The following NR3C2 variants were observed in gnomAD, a reference collection of about 807,000 sequenced individuals.
The protein encoded by NR3C2 is nuclear receptor subfamily 3 group C member 2, also known as mineralocorticoid receptor.
NR3C2 carries 15 observed loss-of-function variants against 86.4 expected under a neutral mutation model. The observed-to-expected ratio is 0.17, with a 90% confidence interval of 0.12 to 0.27. The LOEUF is 0.27. NR3C2 is among the 10% of genes least tolerant of loss of function. The pLI is 1.00. For synonymous variants in NR3C2, 458 were observed against 450.5 expected, an observed-to-expected ratio of 1.02 and a Z score of -0.21; for missense variants, 960 against 1,195.6, an observed-to-expected ratio of 0.80 and a Z score of 2.91.
intron 4 of NR3C2, among the ~76,000 whole-genome samples, chr4:148,165,342 T>A (rs1185082647): frequency 6.6e-6 from 1 of 150,710 alleles, no homozygotes; most frequent in East Asian, 1.9e-4. Context: ...AATTTCAGAA[T>A]TTTTTTTTAT....
intron 6 of NR3C2, among the ~76,000 whole-genome samples, chr4:148,136,787 G>A (rs1733367273): frequency 1.3e-5 from 2 of 152,024 alleles, no homozygotes; most frequent in Admixed American, 1.3e-4. Context: ...GCTGCCACCT[G>A]CTTTTTAAAC....
rs1399603219 is a variant in NR3C2, at chr4:148,248,790, GTT to G, written c.1897+11186_1897+11187del. Among the ~76,000 whole-genome samples, 3 of 152,122 alleles carry G rather than the reference GTT, an allele frequency of 2.0e-5. No individual in the cohort carries two copies. In the East Asian group the frequency reaches 5.8e-4, roughly 29 times the overall value. On this transcript the variant is annotated intron_variant, in intron 3 of 8. Coordinates refer to ENST00000358102, the MANE Select transcript of NR3C2 (RefSeq NM_000901.5). ...TTAACATGTACATAAAGTAGCCACAGTTTAAATATTCCAAATTTTATTGAGAA... is the reference window on the plus strand; with the variant it reads ...TTAACATGTACATAAAGTAGCCACAGTAAATATTCCAAATTTTATTGAGAA...
chr4:148,321,576 T>C (rs960743009), intron 2 of NR3C2, among the ~76,000 whole-genome samples: 11 of 152,140 alleles, frequency 7.2e-5, no homozygotes, highest in Admixed American at 1.3e-4. Context: ...ATTGGGTGCA[T>C]ATATATTTAG....
At chr4:148,107,798 A>G (rs1384766242) in intron 8 of NR3C2, among the ~76,000 whole-genome samples, 1 of 152,208 alleles carries the variant, frequency 6.6e-6, no homozygotes. Flanking sequence ...GTGAACAATA[A>G]AAACACATGG....
chr4:148,414,607 G>T (rs1400934637), intron 2 of NR3C2, among the ~76,000 whole-genome samples: 1 of 151,870 alleles, frequency 6.6e-6, no homozygotes, highest in Non-Finnish European at 1.5e-5. Flanking sequence ...ATTGCATTTT[G>T]ACCTTAATGT....
chr4:148,438,408 T>G (rs1750178674), intron 1 of NR3C2, among the ~76,000 whole-genome samples: 1 of 152,246 alleles, frequency 6.6e-6, no homozygotes, highest in Non-Finnish European at 1.5e-5. Context: ...TATTTTTACA[T>G]TTTAGTATTT....
chr4:148,329,532 A>C (rs1744130716), intron 2 of NR3C2, among the ~76,000 whole-genome samples: 1 of 152,014 alleles, frequency 6.6e-6, no homozygotes, highest in Non-Finnish European at 1.5e-5. Flanking sequence ...CCTTTTTTCC[A>C]CAGTACATAT....
chr4:148,304,352 T>TTTGA, intron 2 of NR3C2, among the ~76,000 whole-genome samples: 1 of 130,034 alleles, frequency 7.7e-6, no homozygotes, highest in Non-Finnish European at 1.6e-5. Flanking sequence ...TTTTTTTTTT[T>TTTGA]AACCAGTTGG....
intron 2 of NR3C2, among the ~76,000 whole-genome samples, chr4:148,357,035 G>A (rs61761538): frequency 2.6e-5 from 4 of 151,982 alleles, no homozygotes; most frequent in Non-Finnish European, 5.9e-5. Flanking sequence ...AACCTTCAGT[G>A]ACAATTTCAT....
At chr4:148,182,896 T>C (rs2149792682) in intron 4 of NR3C2, among the ~76,000 whole-genome samples, 2 of 152,328 alleles carry the variant, frequency 1.3e-5, no homozygotes, top group South Asian at 4.2e-4. Context: ...GGTATATATG[T>C]GTCATGTTGG....
At chr4:148,372,978 C>A (rs1002059722) in intron 2 of NR3C2, among the ~76,000 whole-genome samples, 5 of 152,146 alleles carry the variant, frequency 3.3e-5, no homozygotes, top group African/African-American at 4.8e-5. Context: ...CATACACATA[C>A]CCAAGAAAGT....
intron 2 of NR3C2, among the ~76,000 whole-genome samples, chr4:148,276,721 T>A (rs1447952070): frequency 6.6e-6 from 1 of 152,176 alleles, no homozygotes; most frequent in African/African-American, 2.4e-5. Flanking sequence ...CAAACGTCAA[T>A]CATTCAAATG....
rs1253130720 is a variant in NR3C2 at position 148,321,083 on chromosome 4, G to C, written c.1758-60966C>G. Among the ~76,000 whole-genome samples, 4 of 150,860 alleles carry C rather than the reference G, an allele frequency of 2.7e-5. No individual in the cohort carries two copies. The Admixed American group carries it at 2.7e-4, about 10-fold the overall frequency. Reference sequence around the variant, plus strand: ...AGAGATTCTGGTATGTTGTGTCTTTGTTCTCATTGGTTTCAAAGAACATCT... The same window carrying C: ...AGAGATTCTGGTATGTTGTGTCTTTCTTCTCATTGGTTTCAAAGAACATCT... On this transcript the variant is annotated intron_variant, in intron 2 of 8. Transcript: ENST00000358102.
intron 3 of NR3C2, among the ~76,000 whole-genome samples, chr4:148,202,274 C>T (rs1434472953): frequency 1.3e-5 from 2 of 152,202 alleles, no homozygotes; most frequent in African/African-American, 4.8e-5. Context: ...CACCCTTGAT[C>T]TTTTTTCCAG....
intron 4 of NR3C2, among the ~76,000 whole-genome samples, chr4:148,171,298 T>C (rs987849109): frequency 2.6e-5 from 4 of 152,242 alleles, no homozygotes; most frequent in Non-Finnish European, 4.4e-5. Flanking sequence ...TAAACATGAC[T>C]GCAATGTGAA....
Position 148,078,955 on chromosome 4 carries a change from C to A in NR3C2, c.*2389G>T, listed in dbSNP as rs1730414965. On this transcript the variant is annotated 3_prime_UTR_variant, in exon 9 of 9. Transcript: ENST00000358102. ...GAGCAATATGGTACAAAAATAAGAG[C>A]AGACAGACAATTTGGACTGGGACAG... The A allele has an allele frequency of 6.6e-6, 1 of 152,508 alleles. No homozygotes were observed. The highest frequency in any genetic ancestry group is 2.4e-5 in the African/African-American group (1 of 41,408). 9.4% of individuals were successfully genotyped at this position (152,508 alleles called of 1,614,324 possible).
chr4:148,419,095 C>CTTTTT (rs33928091), intron 2 of NR3C2, among the ~76,000 whole-genome samples: 2 of 147,662 alleles, frequency 1.4e-5, no homozygotes, highest in Non-Finnish European at 3.0e-5. Flanking sequence ...GTTGTTTTTC[C>CTTTTT]TTTTTTTTTT....
chr4:148,351,432 C>T (rs1038596164), intron 2 of NR3C2, among the ~76,000 whole-genome samples: 27 of 152,258 alleles, frequency 1.8e-4, no homozygotes, highest in Middle Eastern at 3.4e-3. Context: ...TGTGAGCCAC[C>T]GCATCCAGCC....
At position 148,342,397 on chromosome 4, in the gene NR3C2, C is replaced by T. The variant is rs866226444; in HGVS notation, c.1758-82280G>A. Among the ~76,000 whole-genome samples, 6 of 152,168 alleles carry T rather than the reference C, an allele frequency of 3.9e-5. No individual in the cohort carries two copies. In the East Asian group the frequency reaches 5.8e-4, roughly 15 times the overall value. On this transcript the variant is annotated intron_variant, in intron 2 of 8. Transcript: ENST00000358102. ...AAACATTTATAGGAAATTTGTAATG[C>T]GCAAGGCCCTGAGCCATTATAAACA...
Sources: gnomAD v4.1 joint callset for allele counts (sites outside exome capture counted in the v4.1 genomes callset) on GRCh38, gnomAD v4.1.1 for gene constraint, MANE v1.5 for transcripts, NCBI Gene and HGNC (gene_info 2026-07-23, HGNC 2026-07-21) for gene names.